BMP2: variants seen among roughly 807,000 people sequenced by gnomAD.
The protein encoded by BMP2 is bone morphogenetic protein 2A.
BMP2 carries 2 observed loss-of-function variants against 28.8 expected under a neutral mutation model. The ratio of observed to expected loss-of-function variants is 0.07; its 90% CI spans 0.03 to 0.22. The LOEUF is 0.22. Among genes scored for constraint, BMP2 ranks in the 10% least tolerant of loss-of-function variants. BMP2 has a pLI of 1.00. For missense variants in BMP2, 437 were observed against 517.7 expected (o/e 0.84, Z 1.51); for synonymous variants, 218 against 204.3 (o/e 1.07, Z -0.57).
intron 2 of BMP2, among the ~76,000 whole-genome samples, chr20:6,777,839 T>C (rs1426708461): frequency 6.6e-6 from 1 of 152,126 alleles, no homozygotes; most frequent in Non-Finnish European, 1.5e-5. Flanking sequence ...ATGCAATAAT[T>C]TCCTCAAATC....
At position 6,778,911 on chromosome 20, in the gene BMP2, A is replaced by G. The variant is rs1425902138; in HGVS notation, c.1013A>G (p.Asn338Ser). The change falls in exon 3 of 3, where the codon AAC becomes AGC. Residue 338 changes from asparagine to serine, a missense_variant. Physicochemically the swap from Asn to Ser is conservative, Grantham distance 46. This residue lies in a region of BMP2 where 74 missense variants were observed against 124.9 expected (regional missense o/e 0.59). Coordinates refer to ENST00000378827, the MANE Select transcript of BMP2 (RefSeq NM_001200.4). The surrounding 1 kb of genome is among the most constrained non-coding windows in gnomAD (Gnocchi z 5.0). Reference protein sequence around the residue: ...ECPFPLADHLNSTNHAIVQTL... With the variant: ...ECPFPLADHLSSTNHAIVQTL... ...CCTTTTCCTCTGGCTGATCATCTGA[A>G]CTCCACTAATCATGCCATTGTTCAG... The G allele has an allele frequency of 6.2e-7, 1 of 1,613,488 alleles. No homozygotes were observed. The highest frequency in any genetic ancestry group is 8.5e-7 in the Non-Finnish European group (1 of 1,179,914).
At position 6,778,444 on chromosome 20, in the gene BMP2, C is replaced by G. The variant is rs763755859; in HGVS notation, c.546C>G (p.Ala182=). ...NIYEIIKPAT[A]NSKFPVTRLL... ...ATGAAATCATAAAACCTGCAACAGC[C>G]AACTCGAAATTCCCCGTGACCAGAC... The change falls in exon 3 of 3, where the codon GCC becomes GCG. Residue 182 remains alanine, a synonymous_variant. Coordinates refer to ENST00000378827, the MANE Select transcript of BMP2 (RefSeq NM_001200.4). The surrounding 1 kb of genome is among the most constrained non-coding windows in gnomAD (Gnocchi z 5.0). 1.2e-6 allele frequency: 2 copies of G among 1,614,020 alleles called. No homozygotes were observed. Among genetic ancestry groups the G allele is most frequent in the South Asian group, 2.2e-5 (2 of 91,080 alleles).
At position 6,779,128 on chromosome 20, in the gene BMP2, ATATT is replaced by A; in HGVS notation, c.*41_*44del. 1 of 983,196 alleles carries A rather than the reference ATATT, an allele frequency of 1.0e-6. No homozygotes were observed. The allele number at this position is 983,196 out of a possible 1,614,324, so 60.9% of individuals were successfully genotyped here. The stretch of plus-strand genomic sequence containing the variant: ...AATACATAAATATATATATATATAT[ATATT>A]TTAGAAAAAAGAAAAAAACAAACAA... On this transcript the variant is annotated 3_prime_UTR_variant, in exon 3 of 3. Transcript: ENST00000378827.
chr20:6,778,472 T>C lies in BMP2; in HGVS notation c.574T>C (p.Leu192=), dbSNP rs777981357. 1 of 1,614,124 alleles carries C rather than the reference T, an allele frequency of 6.2e-7. No homozygotes were observed. Among genetic ancestry groups the C allele is most frequent in the Non-Finnish European group, 8.5e-7 (1 of 1,180,022 alleles). ...CTCGAAATTCCCCGTGACCAGACTT[T>C]TGGACACCAGGTTGGTGAATCAGAA... ...ANSKFPVTRL[L]DTRLVNQNAS... is the part of the protein sequence containing the mutation. Residue 192 remains leucine (L), a synonymous_variant, in exon 3 of 3, where the codon TTG becomes CTG. Coordinates refer to ENST00000378827, the MANE Select transcript of BMP2 (RefSeq NM_001200.4). The surrounding 1 kb of genome is among the most constrained non-coding windows in gnomAD (Gnocchi z 5.0).
intron 2 of BMP2, among the ~76,000 whole-genome samples, chr20:6,774,333 C>T (rs1487144183): frequency 6.6e-6 from 1 of 152,020 alleles, no homozygotes; most frequent in Non-Finnish European, 1.5e-5. Context: ...CCAGACCAGC[C>T]TGGCCAACAT....
At position 6,768,721 on chromosome 20, in the gene BMP2, C is replaced by T. The variant is rs1157258746; in HGVS notation, c.-162C>T. 2.5e-5 allele frequency: 10 copies of T among 397,458 alleles called. No homozygotes were observed. The highest frequency in any genetic ancestry group is 4.4e-5 in the Non-Finnish European group (10 of 225,656). 24.6% of individuals were successfully genotyped at this position (397,458 alleles called of 1,614,324 possible). On this transcript the variant is annotated 5_prime_UTR_variant, in exon 1 of 3. Transcript: ENST00000378827. ...GCTGTTCCCAGCGTGAAAAGAGAGA[C>T]TGCGCGGCCGGCACCCGGGAGAAGG...
chr20:6,776,732 C>T (rs955086652), intron 2 of BMP2, among the ~76,000 whole-genome samples: 4 of 152,182 alleles, frequency 2.6e-5, no homozygotes, highest in Non-Finnish European at 4.4e-5. Context: ...GTATAAACTG[C>T]CCTGACTGAA....
chr20:6,778,481 A>C lies in BMP2; in HGVS notation c.583A>C (p.Arg195=). 6.2e-7 allele frequency: 1 copy of C among 1,614,218 alleles called. No individual in the cohort carries two copies. The highest frequency in any genetic ancestry group is 8.5e-7 in the Non-Finnish European group (1 of 1,180,032). Residue 195 remains arginine, a synonymous_variant, in exon 3 of 3, where the codon AGG becomes CGG. Transcript: ENST00000378827. This position sits in a 1 kb window ranked among gnomAD's most constrained non-coding sequence, Gnocchi z 5.0. Reference sequence around the variant, plus strand: ...CCCCGTGACCAGACTTTTGGACACCAGGTTGGTGAATCAGAATGCAAGCAG... The same window carrying C: ...CCCCGTGACCAGACTTTTGGACACCCGGTTGGTGAATCAGAATGCAAGCAG... The part of the protein sequence containing the change: ...KFPVTRLLDT[R]LVNQNASRWE...
rs1010920475 is a variant in BMP2 at position 6,768,300 on chromosome 20, G to A, written c.-583G>A. ...GTGATGCGGGGGGGCAACTCGCCTGGCACCGAGATCGCCGCCGTGCCCTTC... is the reference window on the plus strand; with the variant it reads ...GTGATGCGGGGGGGCAACTCGCCTGACACCGAGATCGCCGCCGTGCCCTTC... On this transcript the variant is annotated 5_prime_UTR_variant, in exon 1 of 3. Transcript: ENST00000378827. 1.5e-5 allele frequency: 6 copies of A among 397,882 alleles called. No individual in the cohort carries two copies. The highest frequency in any genetic ancestry group is 2.7e-5 in the Non-Finnish European group (6 of 225,752). 24.6% of individuals were successfully genotyped at this position (397,882 alleles called of 1,614,324 possible).
Position 6,778,555 on chromosome 20 carries a change from G to A in BMP2, c.657G>A (p.Gln219=). 1 of 1,614,164 alleles carries A rather than the reference G, an allele frequency of 6.2e-7. No homozygotes were observed. The highest frequency in any genetic ancestry group is 8.5e-7 in the Non-Finnish European group (1 of 1,180,014). Residue 219 remains glutamine, a synonymous_variant, in exon 3 of 3, where the codon CAG becomes CAA. Coordinates refer to ENST00000378827, the MANE Select transcript of BMP2 (RefSeq NM_001200.4). This position sits in a 1 kb window ranked among gnomAD's most constrained non-coding sequence, Gnocchi z 5.0. ...CCGCTGTGATGCGGTGGACTGCACA[G>A]GGACACGCCAACCATGGATTCGTGG... ...VTPAVMRWTA[Q]GHANHGFVVE...
chr20:6,778,989 C>T lies in BMP2; in HGVS notation c.1091C>T (p.Thr364Ile), dbSNP rs1225746483. The T allele has an allele frequency of 1.2e-6, 2 of 1,613,838 alleles. No homozygotes were observed. Among genetic ancestry groups the T allele is most frequent in the Non-Finnish European group, 1.7e-6 (2 of 1,179,964 alleles). Residue 364 changes from threonine to isoleucine, a missense_variant, in exon 3 of 3, where the codon ACA becomes ATA. This residue lies in a region of BMP2 where 74 missense variants were observed against 124.9 expected (regional missense o/e 0.59). Coordinates refer to ENST00000378827, the MANE Select transcript of BMP2 (RefSeq NM_001200.4). This position sits in a 1 kb window ranked among gnomAD's most constrained non-coding sequence, Gnocchi z 5.0. ...SKIPKACCVP[T>I]ELSAISMLYL... ...ATTCCTAAGGCATGCTGTGTCCCGA[C>T]AGAACTCAGTGCTATCTCGATGCTG...
In BMP2 at chr20:6,767,931, C is replaced by T. The variant is rs1047854722; in HGVS notation, c.-952C>T. ...GGCTGGAGCACCCGGCAGAGCGCGC[C>T]ACAGCGCCGTGGCCTCTGCTGCCCG... is the stretch of plus-strand genomic sequence containing the variant. On this transcript the variant is annotated 5_prime_UTR_variant, in exon 1 of 3. Transcript: ENST00000378827. The T allele has an allele frequency of 2.6e-6, 1 of 390,950 alleles. No homozygotes were observed. The highest frequency in any genetic ancestry group is 4.5e-6 in the Non-Finnish European group (1 of 221,290). 24.2% of individuals were successfully genotyped at this position (390,950 alleles called of 1,614,324 possible).
rs1230276110 is a variant in BMP2 at position 6,768,887 on chromosome 20, G to A, written c.-8+12G>A. The A allele has an allele frequency of 1.3e-5, 5 of 398,500 alleles. No individual in the cohort carries two copies. The highest frequency in any genetic ancestry group is 2.1e-5 in the African/African-American group (1 of 48,624). The allele number at this position is 398,500 out of a possible 1,614,324, so 24.7% of individuals were successfully genotyped here. ...GCGGTCTCCTAAAGGTAGAGGACGC[G>A]GGCCAGGGCCCGGGGTGGGTGGTGG... On this transcript the variant is annotated intron_variant, in intron 1 of 2. Transcript: ENST00000378827.
At position 6,773,734 on chromosome 20, in the gene BMP2, AT is replaced by A. The variant is rs943111543; in HGVS notation, c.346+3270del. Among the ~76,000 whole-genome samples, 130 of 151,496 alleles carry A rather than the reference AT, an allele frequency of 8.6e-4. 3 individuals are homozygous for A. The highest frequency in any genetic ancestry group is 8.0e-3 in the Admixed American group (122 of 15,202). On this transcript the variant is annotated intron_variant, in intron 2 of 2. Coordinates refer to ENST00000378827, the MANE Select transcript of BMP2 (RefSeq NM_001200.4). ...ATGTTTTTAACCTTTTGTATTTGAT[AT>A]TTTTTTTCTCCTTGATCAGTTGTCT...
chr20:6,776,028 C>T (rs142784488), intron 2 of BMP2, among the ~76,000 whole-genome samples: 178 of 152,130 alleles, frequency 1.2e-3, no homozygotes, highest in Admixed American at 4.3e-3. Context: ...GCTTTGGTGT[C>T]ATTGGGGTCT....
chr20:6,769,971 G>C (rs1009199334), intron 1 of BMP2, 149 bp from the exon 2 acceptor site: 8 of 747,136 alleles, frequency 1.1e-5, no homozygotes, highest in South Asian at 1.9e-5. Flanking sequence ...TTTGAGCTTC[G>C]GTCGGTCTTA....
In BMP2 at chr20:6,778,582, G is replaced by A. The variant is rs185968516; in HGVS notation, c.684G>A (p.Val228=). 6 of 1,614,106 alleles carry A rather than the reference G, an allele frequency of 3.7e-6. No individual in the cohort carries two copies. The highest frequency in any genetic ancestry group is 2.5e-6 in the Non-Finnish European group (3 of 1,180,016). ...GACACGCCAACCATGGATTCGTGGT[G>A]GAAGTGGCCCACTTGGAGGAGAAAC... ...AQGHANHGFV[V]EVAHLEEKQG... The change falls in exon 3 of 3, where the codon GTG becomes GTA. Residue 228 remains valine, a synonymous_variant. Coordinates refer to ENST00000378827, the MANE Select transcript of BMP2 (RefSeq NM_001200.4). This position sits in a 1 kb window ranked among gnomAD's most constrained non-coding sequence, Gnocchi z 5.0.
chr20:6,777,119 G>T (rs6133355), intron 2 of BMP2, among the ~76,000 whole-genome samples: 22,556 of 152,130 alleles, frequency 0.15, 1,997 homozygotes, highest in Middle Eastern at 0.31. Flanking sequence ...TACCTTTGAT[G>T]ATTTGCAGAC....
Position 6,768,345 on chromosome 20 carries a change from A to G in BMP2, c.-538A>G, listed in dbSNP as rs1986301173. 1 of 390,670 alleles carries G rather than the reference A, an allele frequency of 2.6e-6. No homozygotes were observed. Among genetic ancestry groups the G allele is most frequent in the Non-Finnish European group, 4.5e-6 (1 of 221,280 alleles). 24.2% of individuals were successfully genotyped at this position (390,670 alleles called of 1,614,324 possible). ...CCCTTCCCTGGACCCGGCGTCGCCC[A>G]GGATGGCTGCCCCGAGCCATGGGCC... On this transcript the variant is annotated 5_prime_UTR_variant, in exon 1 of 3. Transcript: ENST00000378827.
Sources: allele counts gnomAD v4.1 joint callset (sites outside exome capture counted in the v4.1 genomes callset), GRCh38; gene constraint gnomAD v4.1.1; regional missense constraint gnomAD v4.1.1; non-coding constraint Gnocchi (gnomAD v3.1); transcripts MANE v1.5; gene names NCBI Gene and HGNC (gene_info 2026-07-23, HGNC 2026-07-21).